Variants in BDH1 observed in about 807,000 individuals in gnomAD.
BDH1 encodes the protein 3-hydroxybutyrate dehydrogenase 1.
BDH1 carries 30 observed loss-of-function variants against 33.1 expected under a neutral mutation model. That is an observed-to-expected ratio of 0.91 (90% confidence interval 0.68 to 1.23). BDH1 has a LOEUF of 1.23. Ranked by LOEUF, BDH1 falls within the 50% of genes most tolerant of loss-of-function variation. The probability of loss-of-function intolerance (pLI) is 0.00; values close to 1 mark genes in which losing one functional copy is unlikely to be tolerated. For missense variants in BDH1, 443 were observed against 464.4 expected, an observed-to-expected ratio of 0.95 and a Z score of 0.42; for synonymous variants, 190 against 183.6, an observed-to-expected ratio of 1.03 and a Z score of -0.28.
At chr3:197,535,425 G>A (rs1321256082) in intron 3 of BDH1, among the ~76,000 whole-genome samples, 4 of 152,110 alleles carry the variant, frequency 2.6e-5, no homozygotes, top group Non-Finnish European at 1.5e-5. Flanking sequence ...ACTTGGACTC[G>A]GAATCAGGAA....
chr3:197,533,433 A>G (rs1714874167), intron 4 of BDH1, 56 bp downstream of exon 4: 2 of 1,568,922 alleles, frequency 1.3e-6, no homozygotes, highest in Non-Finnish European at 1.8e-6. Context: ...CTAGGGGCCC[A>G]GAAGAAAGGG....
At chr3:197,533,451 C>G in intron 4 of BDH1, 38 bp downstream of exon 4, 1 of 1,604,018 alleles carries the variant, frequency 6.2e-7, no homozygotes, top group Non-Finnish European at 8.5e-7. Flanking sequence ...GGGTTCTGAC[C>G]ATCCAACTGG....
intron 2 of BDH1, among the ~76,000 whole-genome samples, chr3:197,547,372 G>A (rs895405320): frequency 1.3e-5 from 2 of 152,196 alleles, no homozygotes; most frequent in Non-Finnish European, 2.9e-5. Flanking sequence ...CTGGTAATAA[G>A]GTACTGCCTG....
chr3:197,536,792 G>A (rs111629572), intron 3 of BDH1, among the ~76,000 whole-genome samples: 7 of 152,122 alleles, frequency 4.6e-5, no homozygotes, highest in Non-Finnish European at 7.4e-5. Flanking sequence ...AAAGTGAGCC[G>A]AGATCGCACC....
At chr3:197,563,650 A>G (rs929720905) in intron 1 of BDH1, among the ~76,000 whole-genome samples, 3 of 152,250 alleles carry the variant, frequency 2.0e-5, no homozygotes, top group African/African-American at 7.2e-5. Flanking sequence ...ATATTTCATT[A>G]TATGGGTATT....
At position 197,546,519 on chromosome 3, in the gene BDH1, G is replaced by A. The variant is rs1008302178; in HGVS notation, c.-43-33C>T. The A allele has an allele frequency of 5.5e-6, 8 of 1,446,904 alleles. No homozygotes were observed. The South Asian group carries it at 5.8e-5, about 10-fold the overall frequency. The allele number at this position is 1,446,904 out of a possible 1,614,324, so 89.6% of individuals were successfully genotyped here. A position where few individuals can be genotyped will look rare whatever the true frequency, so the allele number is the denominator to read the frequency against. Reference sequence around the variant, plus strand: ...ATAAATGCACCCTCAGCATTACTTTGTTGCCTTCCGGGCTTTAATCAGGAG... The same window carrying A: ...ATAAATGCACCCTCAGCATTACTTTATTGCCTTCCGGGCTTTAATCAGGAG... On this transcript the variant is annotated intron_variant, in intron 2 of 7. Coordinates refer to ENST00000392379, the MANE Select transcript of BDH1 (RefSeq NM_203314.3).
intron 1 of BDH1, among the ~76,000 whole-genome samples, chr3:197,561,941 ACTTGAACCC>A (rs1277904681): frequency 3.3e-5 from 5 of 152,170 alleles, no homozygotes; most frequent in African/African-American, 7.2e-5. Flanking sequence ...GCTTCTAATG[ACTTGAACCC>A]CTTTAAAGAA....
intron 3 of BDH1, chr3:197,543,189 A>C (rs1368867238): frequency 3.0e-6 from 3 of 985,182 alleles, no homozygotes; most frequent in Non-Finnish European, 2.4e-6. Context: ...CTTAGGAGGA[A>C]CACATATCAG....
upstream of BDH1, among the ~76,000 whole-genome samples, chr3:197,559,315 TA>T (rs1282303393): frequency 2.6e-5 from 4 of 152,176 alleles, no homozygotes; most frequent in Non-Finnish European, 5.9e-5. Flanking sequence ...TGAACTTTAA[TA>T]ATTGGACTCT....
At chr3:197,531,225 G>T (rs13091363) in intron 5 of BDH1, among the ~76,000 whole-genome samples, 1 of 151,472 alleles carries the variant, frequency 6.6e-6, no homozygotes, top group Non-Finnish European at 1.5e-5. Flanking sequence ...GTGAAACCCC[G>T]TCTCTAATAA....
chr3:197,524,064 A>G (rs143982975), intron 5 of BDH1, among the ~76,000 whole-genome samples: 38 of 152,364 alleles, frequency 2.5e-4, no homozygotes, highest in African/African-American at 7.2e-4. Flanking sequence ...TCGTGTCACC[A>G]GGCAGGCTGC....
In BDH1 at chr3:197,511,898, G is replaced by A. The variant is rs58455529; in HGVS notation, c.1029C>T (p.Arg343=). 6.4e-7 allele frequency: 1 copy of A among 1,554,842 alleles called. No individual in the cohort carries two copies. The highest frequency in any genetic ancestry group is 1.2e-5 in the South Asian group (1 of 80,450). Residue 343 remains arginine, a synonymous_variant, in exon 8 of 8, where the codon CGC becomes CGT. Transcript: ENST00000392379. ...ACAGAGGCCACAGCGAGACTCTTCA[G>A]CGGATGTAGATCATGTCGGAGATGG... ...PGAISDMIYI[R] is the part of the protein sequence containing the mutation.
rs1351093826 is a variant in BDH1 at position 197,516,258 on chromosome 3, G to A, written c.410-1842C>T. ...AGGTGTCCTCATCTTCTTCATGTTT[G>A]TGAATTTTGCAGCCGTTTTGTGTTT... On this transcript the variant is annotated intron_variant, in intron 6 of 7. Transcript: ENST00000392379. This position sits in a 1 kb window ranked among gnomAD's most constrained non-coding sequence, Gnocchi z 4.2. 2.0e-5 allele frequency among the ~76,000 whole-genome samples: 3 copies of A among 152,168 alleles called. No homozygotes were observed. The highest frequency in any genetic ancestry group is 4.4e-5 in the Non-Finnish European group (3 of 68,040).
At chr3:197,517,230 C>A (rs187645602) in intron 6 of BDH1, among the ~76,000 whole-genome samples, 1 of 146,654 alleles carries the variant, frequency 6.8e-6, no homozygotes, top group African/African-American at 2.6e-5. Context: ...CTATGGTCTC[C>A]ATCCCCCCTC....
intron 3 of BDH1, 89 bp from the exon 4 acceptor site, chr3:197,533,650 A>G (rs1714904112): frequency 1.5e-6 from 2 of 1,301,292 alleles, no homozygotes; most frequent in Admixed American, 1.8e-5. Flanking sequence ...GTGTCTCTCC[A>G]GCCCCGGCTC....
intron 3 of BDH1, among the ~76,000 whole-genome samples, chr3:197,544,756 A>G (rs1250494187): frequency 6.6e-6 from 1 of 152,240 alleles, no homozygotes; most frequent in Non-Finnish European, 1.5e-5. Flanking sequence ...AATAAATTCA[A>G]GCAAATGCTG....
intron 5 of BDH1, among the ~76,000 whole-genome samples, chr3:197,527,186 C>T (rs1033845691): frequency 1.3e-5 from 2 of 152,174 alleles, no homozygotes; most frequent in African/African-American, 4.8e-5. Context: ...GAGGAGCGAG[C>T]CTGGGCACTG....
At position 197,514,087 on chromosome 3, in the gene BDH1, C is replaced by T. The variant is rs1009735908; in HGVS notation, c.562+177G>A. 4.2e-5 allele frequency: 34 copies of T among 805,992 alleles called. No homozygotes were observed. The highest frequency in any genetic ancestry group is 6.7e-5 in the Admixed American group (2 of 29,748). 49.9% of individuals were successfully genotyped at this position (805,992 alleles called of 1,614,324 possible). On this transcript the variant is annotated intron_variant, in intron 7 of 7. Transcript: ENST00000392379. The surrounding 1 kb of genome is among the most constrained non-coding windows in gnomAD (Gnocchi z 4.2). ...CTGCTCTGCTTCCTCCTCCCCTACC[C>T]GGCCACAGCCCCTCTGCCCACCATC...
In BDH1 at chr3:197,528,029, TC is replaced by T. The variant is rs1050378938; in HGVS notation, c.267+4382del. On this transcript the variant is annotated intron_variant, in intron 5 of 7. Coordinates refer to ENST00000392379, the MANE Select transcript of BDH1 (RefSeq NM_203314.3). This position sits in a 1 kb window ranked among gnomAD's most constrained non-coding sequence, Gnocchi z 5.1. ...TACTTATCTTATTCCTTGCCTATCA[TC>T]CCCCCTTGGAATATAAGCTCCGCAA... Among the ~76,000 whole-genome samples, 2 of 152,034 alleles carry T rather than the reference TC, an allele frequency of 1.3e-5. No homozygotes were observed. Among genetic ancestry groups the T allele is most frequent in the Non-Finnish European group, 2.9e-5 (2 of 68,020 alleles).
Sources: allele counts gnomAD v4.1 joint callset (sites outside exome capture counted in the v4.1 genomes callset), GRCh38; gene constraint gnomAD v4.1.1; non-coding constraint Gnocchi (gnomAD v3.1); transcripts MANE v1.5; gene names NCBI Gene and HGNC (gene_info 2026-07-23, HGNC 2026-07-21).